The following GRK3 variants were observed in gnomAD, a reference collection of about 807,000 sequenced individuals.
The protein encoded by GRK3 is adrenergic, beta, receptor kinase 2.
GRK3 carries 54 observed loss-of-function variants against 95.7 expected under a neutral mutation model. The observed-to-expected ratio is 0.56, with a 90% confidence interval of 0.45 to 0.71. GRK3 has a LOEUF of 0.71. Among genes scored for constraint, GRK3 ranks in the 30% least tolerant of loss-of-function variants. GRK3 has a pLI of 0.00. For synonymous variants in GRK3, 281 were observed against 290.8 expected (o/e 0.97, Z 0.34); for missense variants, 649 against 851.2 (o/e 0.76, Z 2.96).
chr22:25,682,701 G>A (rs2085083963), intron 9 of GRK3, among the ~76,000 whole-genome samples: 1 of 152,082 alleles, frequency 6.6e-6, no homozygotes, highest in South Asian at 2.1e-4. Context: ...AGATAAAATA[G>A]ATCTAAATAG....
chr22:25,691,232 A>G (rs2085162607), intron 12 of GRK3, among the ~76,000 whole-genome samples: 1 of 152,198 alleles, frequency 6.6e-6, no homozygotes, highest in African/African-American at 2.4e-5. Flanking sequence ...TCTCCTCCTT[A>G]GCACTGAATC....
intron 13 of GRK3, among the ~76,000 whole-genome samples, chr22:25,700,294 A>G (rs1441315665): frequency 6.6e-6 from 1 of 152,132 alleles, no homozygotes; most frequent in Non-Finnish European, 1.5e-5. Flanking sequence ...AGATGCATCC[A>G]TGTTGCAAAT....
chr22:25,656,162 A>G (rs1042772824), intron 3 of GRK3, among the ~76,000 whole-genome samples: 1 of 152,218 alleles, frequency 6.6e-6, no homozygotes, highest in Non-Finnish European at 1.5e-5. Context: ...GTGTTGATTT[A>G]TATACTTCTT....
rs1463049478 is a variant in GRK3 at position 25,726,499 on chromosome 22, C to T, written c.*4049C>T. On this transcript the variant is annotated 3_prime_UTR_variant, in exon 21 of 21. Coordinates refer to ENST00000324198, the MANE Select transcript of GRK3 (RefSeq NM_005160.4). ...TGCTTGATGAATTAACACCTCCCAC[C>T]CTGAGTGAGGGGTTGACTTGTTGGG... 1 of 152,078 alleles carries T rather than the reference C, an allele frequency of 6.6e-6. No individual in the cohort carries two copies. Among genetic ancestry groups the T allele is most frequent in the East Asian group, 1.9e-4 (1 of 5,200 alleles). 9.4% of individuals were successfully genotyped at this position (152,078 alleles called of 1,614,324 possible). A position where few individuals can be genotyped will look rare whatever the true frequency, so the allele number is the denominator to read the frequency against.
chr22:25,714,263 G>C (rs1219280473), intron 17 of GRK3, 145 bp from the exon 18 acceptor site: 4 of 609,650 alleles, frequency 6.6e-6, no homozygotes, highest in African/African-American at 1.9e-5. Context: ...TGATAACTAA[G>C]AACCTGCCTC....
chr22:25,664,182 A>G (rs1368918170), intron 5 of GRK3, among the ~76,000 whole-genome samples: 2 of 152,194 alleles, frequency 1.3e-5, no homozygotes, highest in Admixed American at 1.3e-4. Flanking sequence ...GGCTGTTCAT[A>G]TCTTGAACAC....
At chr22:25,631,678 A>G (rs746177857) in intron 2 of GRK3, among the ~76,000 whole-genome samples, 4 of 152,200 alleles carry the variant, frequency 2.6e-5, no homozygotes, top group Non-Finnish European at 5.9e-5. Flanking sequence ...TGCAGCTACT[A>G]CCAAAATCAA....
chr22:25,705,533 ATGT>A (rs1378953957), intron 15 of GRK3, among the ~76,000 whole-genome samples: 12 of 152,198 alleles, frequency 7.9e-5, no homozygotes, highest in African/African-American at 2.7e-4. Context: ...GGAATCAAAA[ATGT>A]TGTTCATTAC....
chr22:25,714,284 C>G, intron 17 of GRK3, 124 bp from the exon 18 acceptor site: 1 of 732,272 alleles, frequency 1.4e-6, no homozygotes, highest in Non-Finnish European at 2.2e-6. Context: ...GAAATGATTA[C>G]TGCTGCCATC....
At chr22:25,676,678 G>A (rs937805701) in intron 8 of GRK3, among the ~76,000 whole-genome samples, 2 of 145,530 alleles carry the variant, frequency 1.4e-5, no homozygotes, top group East Asian at 1.9e-4. Context: ...GTGACAGAGC[G>A]AGACTCAGTC....
At chr22:25,642,289 C>T (rs1241987992) in intron 2 of GRK3, among the ~76,000 whole-genome samples, 3 of 152,034 alleles carry the variant, frequency 2.0e-5, no homozygotes, top group Admixed American at 6.5e-5. Flanking sequence ...AAAAATTAGC[C>T]GGCCATGATC....
intron 9 of GRK3, among the ~76,000 whole-genome samples, chr22:25,683,690 A>AT (rs202154463): frequency 1.2e-4 from 18 of 151,502 alleles, no homozygotes; most frequent in Admixed American, 7.9e-4. Context: ...TGAATTGCCT[A>AT]TTTTTTTTCC....
intron 12 of GRK3, among the ~76,000 whole-genome samples, chr22:25,691,561 A>G (rs1469917352): frequency 3.3e-5 from 5 of 152,246 alleles, no homozygotes; most frequent in Admixed American, 2.6e-4. Context: ...GCACTTTACA[A>G]TTATTAGGCC....
At chr22:25,701,430 G>A (rs5996967) in intron 13 of GRK3, among the ~76,000 whole-genome samples, 60 of 152,338 alleles carry the variant, frequency 3.9e-4, no homozygotes, top group African/African-American at 1.4e-3. Flanking sequence ...TCTGAACATG[G>A]CAGCATAGAC....
intron 5 of GRK3, among the ~76,000 whole-genome samples, chr22:25,664,505 T>C (rs900689281): frequency 4.6e-5 from 7 of 151,700 alleles, no homozygotes; most frequent in African/African-American, 9.7e-5. Flanking sequence ...GGGAGGTAAG[T>C]TGACTTTGGC....
At chr22:25,717,912 A>G (rs1167204466) in intron 18 of GRK3, among the ~76,000 whole-genome samples, 1 of 152,206 alleles carries the variant, frequency 6.6e-6, no homozygotes, top group Non-Finnish European at 1.5e-5. Context: ...TTGACTTTAA[A>G]TACCGTCTAT....
At chr22:25,579,156 T>C (rs1332545485) in intron 1 of GRK3, among the ~76,000 whole-genome samples, 3 of 151,674 alleles carry the variant, frequency 2.0e-5, no homozygotes, top group Non-Finnish European at 4.4e-5. Context: ...GGACAGGAAT[T>C]CTTTTTTTTT....
At chr22:25,683,061 G>C (rs1275585846) in intron 9 of GRK3, among the ~76,000 whole-genome samples, 1 of 152,200 alleles carries the variant, frequency 6.6e-6, no homozygotes, top group Non-Finnish European at 1.5e-5. Context: ...TAGCTTGTTG[G>C]CCTTATTTTA....
chr22:25,573,896 T>A (rs1286405943), intron 1 of GRK3, among the ~76,000 whole-genome samples: 2 of 150,714 alleles, frequency 1.3e-5, no homozygotes, highest in African/African-American at 4.9e-5. Context: ...CGAAACTCTG[T>A]CTCAAACAAA....
Sources: allele counts gnomAD v4.1 joint callset (sites outside exome capture counted in the v4.1 genomes callset), GRCh38; gene constraint gnomAD v4.1.1; transcripts MANE v1.5; gene names NCBI Gene and HGNC (gene_info 2026-07-23, HGNC 2026-07-21).